The following PHLPP1 variants were observed in gnomAD, a reference collection of about 807,000 sequenced individuals.
PHLPP1 encodes the protein PH domain leucine-rich repeat-containing protein phosphatase 1.
PHLPP1 carries 42 observed loss-of-function variants against 117.2 expected under a neutral mutation model. The observed-to-expected ratio is 0.36, with a 90% CI of 0.28 to 0.46. PHLPP1 has a LOEUF of 0.46. Ranked by LOEUF, PHLPP1 falls within the 20% of genes least tolerant of loss-of-function variation. PHLPP1 has a pLI of 1.00. For missense variants in PHLPP1, 2,084 were observed against 2,241.9 expected (o/e 0.93, Z 1.42); for synonymous variants, 1,042 against 970.7 (o/e 1.07, Z -1.37).
chr18:62,890,961 C>G (rs1162348720), intron 4 of PHLPP1, among the ~76,000 whole-genome samples: 5 of 152,082 alleles, frequency 3.3e-5, no homozygotes, highest in Admixed American at 2.6e-4. Context: ...ACTAGAGCAG[C>G]AGTTTCATCT....
chr18:62,815,621 TC>T (rs1401601991), intron 1 of PHLPP1, among the ~76,000 whole-genome samples: 1 of 152,146 alleles, frequency 6.6e-6, no homozygotes, highest in Non-Finnish European at 1.5e-5. Context: ...GAGGGAGTGA[TC>T]CTAGAGAGAG....
intron 1 of PHLPP1, among the ~76,000 whole-genome samples, chr18:62,819,412 A>G (rs940567839): frequency 2.6e-5 from 4 of 152,216 alleles, no homozygotes; most frequent in Non-Finnish European, 5.9e-5. Flanking sequence ...ATGCCAACCA[A>G]GGGGATAAAA....
At chr18:62,899,719 GAGTGC>G (rs1916665011) in intron 6 of PHLPP1, among the ~76,000 whole-genome samples, 1 of 152,180 alleles carries the variant, frequency 6.6e-6, no homozygotes, top group Non-Finnish European at 1.5e-5. Context: ...CTACAGGCTG[GAGTGC>G]AGCGGTACAA....
intron 12 of PHLPP1, among the ~76,000 whole-genome samples, chr18:62,955,176 G>A (rs1338450125): frequency 6.6e-6 from 1 of 152,226 alleles, no homozygotes; most frequent in Non-Finnish European, 1.5e-5. Context: ...ACAGAGAGAA[G>A]CATGTGTTAA....
At chr18:62,838,679 A>G (rs766728718) in intron 2 of PHLPP1, 105 bp from the exon 3 acceptor site, 3 of 1,105,030 alleles carry the variant, frequency 2.7e-6, no homozygotes, top group Admixed American at 4.0e-5. Context: ...ATATAGGGAA[A>G]CATGCAAATC....
At chr18:62,941,145 G>A (rs1371877408) in intron 10 of PHLPP1, among the ~76,000 whole-genome samples, 1 of 152,206 alleles carries the variant, frequency 6.6e-6, no homozygotes, top group Non-Finnish European at 1.5e-5. Flanking sequence ...TCCTGCACTT[G>A]TGAAAGCCAG....
At position 62,855,343 on chromosome 18, in the gene PHLPP1, T is replaced by C. The variant is rs1915466677; in HGVS notation, c.1900-5092T>C. On this transcript the variant is annotated intron_variant, in intron 3 of 16. Transcript: ENST00000262719. ...TAGCTGCTGTGTAGGTGGGTCACAG[T>C]TTCTTTGGATAGCCCAGCTGGTAGT... Among the ~76,000 whole-genome samples the C allele has an allele frequency of 2.0e-5, 3 of 152,278 alleles. No homozygotes were observed. In the South Asian group the frequency reaches 6.2e-4, roughly 32 times the overall value.
chr18:62,835,146 G>T lies in PHLPP1; in HGVS notation c.1774-3638G>T, dbSNP rs367919954. Among the ~76,000 whole-genome samples, 18 of 151,604 alleles carry T rather than the reference G, an allele frequency of 1.2e-4. 1 individual carries two copies. The South Asian group carries it at 3.8e-3, about 32-fold the overall frequency. The stretch of plus-strand genomic sequence containing the variant: ...TTTCTTTGTCTTACTGTTACGGGCA[G>T]GAAGATCTAGTACAGTGTTGAATAG... On this transcript the variant is annotated intron_variant, in intron 2 of 16. Transcript: ENST00000262719.
chr18:62,754,925 G>T (rs2144240081), intron 1 of PHLPP1, among the ~76,000 whole-genome samples: 1 of 152,224 alleles, frequency 6.6e-6, no homozygotes, highest in South Asian at 2.1e-4. Flanking sequence ...GAGCCCAGGA[G>T]ATCAAGGCCT....
At chr18:62,964,624 G>A (rs1910855237) in intron 14 of PHLPP1, among the ~76,000 whole-genome samples, 1 of 152,134 alleles carries the variant, frequency 6.6e-6, no homozygotes, top group Admixed American at 6.5e-5. Context: ...TTCTGCCTGG[G>A]CTCCAGCTAC....
At chr18:62,969,955 A>G (rs191800288) in intron 14 of PHLPP1, among the ~76,000 whole-genome samples, 1 of 152,274 alleles carries the variant, frequency 6.6e-6, no homozygotes, top group East Asian at 1.9e-4. Flanking sequence ...TTTATATTTA[A>G]TGAAATTATT....
At chr18:62,814,206 T>G (rs1272348862) in intron 1 of PHLPP1, among the ~76,000 whole-genome samples, 1 of 152,212 alleles carries the variant, frequency 6.6e-6, no homozygotes, top group Non-Finnish European at 1.5e-5. Context: ...GAAGCAAGAT[T>G]TACTGGGCAG....
At chr18:62,764,322 C>T (rs1912383708) in intron 1 of PHLPP1, among the ~76,000 whole-genome samples, 1 of 152,194 alleles carries the variant, frequency 6.6e-6, no homozygotes, top group African/African-American at 2.4e-5. Context: ...TCAGCCCCAT[C>T]CACTTTGGGT....
chr18:62,775,145 T>C (rs1237282698), intron 1 of PHLPP1, among the ~76,000 whole-genome samples: 1 of 152,196 alleles, frequency 6.6e-6, no homozygotes, highest in Non-Finnish European at 1.5e-5. Context: ...TCATCCAGGC[T>C]GGAGTGCAGT....
Position 62,716,744 on chromosome 18 carries a change from C to T in PHLPP1, c.1061C>T (p.Pro354Leu), listed in dbSNP as rs1910755114. Residue 354 changes from proline (P) to leucine (L), a missense_variant, in exon 1 of 17, where the codon CCC becomes CTC. By Grantham distance (98) the Pro-to-Leu change is moderately conservative (BLOSUM62 -3). Transcript: ENST00000262719. The surrounding 1 kb of genome is among the most constrained non-coding windows in gnomAD (Gnocchi z 5.7). ...VSDTESFSLS[P>L]SAESVSDRLD... ...GACACCGAGAGCTTCAGTCTGAGTC[C>T]CAGCGCCGAGAGCGTGTCTGACCGG... is the stretch of plus-strand genomic sequence containing the variant. The T allele has an allele frequency of 6.6e-7, 1 of 1,517,880 alleles. No homozygotes were observed. The highest frequency in any genetic ancestry group is 2.0e-5 in the Admixed American group (1 of 49,296). 94.0% of individuals were successfully genotyped at this position (1,517,880 alleles called of 1,614,324 possible).
At chr18:62,745,771 T>C (rs1298939212) in intron 1 of PHLPP1, among the ~76,000 whole-genome samples, 1 of 152,258 alleles carries the variant, frequency 6.6e-6, no homozygotes, top group African/African-American at 2.4e-5. Context: ...CTCTTGCCTC[T>C]TTTAGTGACT....
rs1301355965 is a variant in PHLPP1 at position 62,752,996 on chromosome 18, T to G, written c.1576+35737T>G. Among the ~76,000 whole-genome samples, 3 of 152,330 alleles carry G rather than the reference T, an allele frequency of 2.0e-5. No homozygotes were observed. In the East Asian group the frequency reaches 5.8e-4, roughly 29 times the overall value. On this transcript the variant is annotated intron_variant, in intron 1 of 16. Coordinates refer to ENST00000262719, the MANE Select transcript of PHLPP1 (RefSeq NM_194449.4). ...ACTACTGTGACATACATTTAAAAAT[T>G]ATAAACAAAGAAAAATAGCTGTTTA...
chr18:62,781,493 C>T (rs1291616586), intron 1 of PHLPP1, among the ~76,000 whole-genome samples: 1 of 152,198 alleles, frequency 6.6e-6, no homozygotes, highest in East Asian at 1.9e-4. Flanking sequence ...GGCTCCACAT[C>T]AGGCCTTTCC....
Position 62,972,718 on chromosome 18 carries a change from AGAG to A in PHLPP1, c.3755+11_3755+13del. ...TCATTGTCATGCAAAGGTAAAACTC[AGAG>A]TTCCTGCTTACCTGCTGTGTGTTTT... On this transcript the variant is annotated intron_variant, in intron 15 of 16. Coordinates refer to ENST00000262719, the MANE Select transcript of PHLPP1 (RefSeq NM_194449.4). 6.3e-7 allele frequency: 1 copy of A among 1,592,468 alleles called. No individual in the cohort carries two copies.
Sources: allele counts gnomAD v4.1 joint callset (sites outside exome capture counted in the v4.1 genomes callset), GRCh38; gene constraint gnomAD v4.1.1; non-coding constraint Gnocchi (gnomAD v3.1); transcripts MANE v1.5; gene names NCBI Gene and HGNC (gene_info 2026-07-23, HGNC 2026-07-21).